Variants in BCAP31 observed in about 807,000 individuals in gnomAD.
BCAP31 encodes B cell receptor associated protein 31.
For synonymous variants in BCAP31, 75 were observed against 80.9 expected (o/e 0.93, Z 0.39); for missense variants, 124 against 193.0 (o/e 0.64, Z 2.12).
At chrX:153,716,141 G>T (rs1207358089) in intron 3 of BCAP31, among the ~76,000 whole-genome samples, 2 of 103,935 alleles carry the variant, frequency 1.9e-5, no homozygotes, top group African/African-American at 7.1e-5. Context: ...ACTCCAGACC[G>T]GGGGACAAGA....
intron 7 of BCAP31, among the ~76,000 whole-genome samples, chrX:153,701,421 G>A (rs2091517359): frequency 8.9e-6 from 1 of 112,823 alleles, no homozygotes. Context: ...CCAAACTTGG[G>A]CCACCAAGCA....
rs183612089 is a variant in BCAP31, at chrX:153,712,704, T to C, written c.341+2838A>G. Among the ~76,000 whole-genome samples the C allele has an allele frequency of 1.7e-3, 190 of 112,180 alleles. 1 individual carries two copies. Among genetic ancestry groups the C allele is most frequent in the Admixed American group, 3.8e-3 (40 of 10,607 alleles). ...GACTTCTTAGAAAAGGAAACGGTGATCCCAGAGATCAGTGTGGATTCACCA... is the reference window on the plus strand; with the variant it reads ...GACTTCTTAGAAAAGGAAACGGTGACCCCAGAGATCAGTGTGGATTCACCA... On this transcript the variant is annotated intron_variant, in intron 4 of 7. Transcript: ENST00000345046.
intron 3 of BCAP31, among the ~76,000 whole-genome samples, chrX:153,716,166 CA>C (rs781978720): frequency 1.2e-3 from 100 of 82,315 alleles, no homozygotes; most frequent in Non-Finnish European, 1.1e-3. Context: ...AACTCCATCT[CA>C]AAAAAAAAAA....
intron 4 of BCAP31, among the ~76,000 whole-genome samples, chrX:153,710,275 C>T (rs782002813): frequency 1.3e-4 from 14 of 111,356 alleles, no homozygotes; most frequent in African/African-American, 3.9e-4. Context: ...GCAGGGAGCC[C>T]GCTTGGTCTA....
In BCAP31 at chrX:153,700,965, T is replaced by A. The variant is rs782155363; in HGVS notation, c.713A>T (p.Asp238Val). 28 of 1,205,078 alleles carry A rather than the reference T, an allele frequency of 2.3e-5. No homozygotes were observed. The East Asian group carries it at 7.8e-4, about 34-fold the overall frequency. Residue 238 changes from aspartate (D) to valine (V), a missense_variant, in exon 8 of 8, where the codon GAT becomes GTT. By Grantham distance (152) the Asp-to-Val change is radical. Transcript: ENST00000345046. ...EEHAKLQAAVDGPMDKKEE is the reference protein window; with the variant it reads ...EEHAKLQAAVVGPMDKKEE The stretch of plus-strand genomic sequence containing the variant: ...CTCTTCCTTCTTGTCCATGGGACCA[T>A]CTACTGCAGCCTGGAAAGGGACAGA...
intron 2 of BCAP31, among the ~76,000 whole-genome samples, chrX:153,722,266 C>G (rs2091672301): frequency 8.9e-6 from 1 of 112,129 alleles, no homozygotes. Context: ...TTGTTTGAAT[C>G]CGGACCCAAC....
chrX:153,703,236 G>A (rs1392867630), intron 5 of BCAP31, among the ~76,000 whole-genome samples, 178 bp from the exon 6 acceptor site: 4 of 113,261 alleles, frequency 3.5e-5, no homozygotes, highest in African/African-American at 1.3e-4. Context: ...GCCAGGGCGT[G>A]GCTGCCCGCC....
intron 4 of BCAP31, chrX:153,705,398 C>T (rs1255743132): frequency 4.4e-5 from 5 of 112,998 alleles, no homozygotes; most frequent in African/African-American, 1.6e-4. Flanking sequence ...TGGGGAGAGG[C>T]TCCCAGGGGC....
chrX:153,708,741 C>T (rs2091570743), intron 4 of BCAP31, among the ~76,000 whole-genome samples: 1 of 113,016 alleles, frequency 8.8e-6, no homozygotes, highest in African/African-American at 3.2e-5. Context: ...CTCTTACCCA[C>T]CAGTCTGGAA....
intron 4 of BCAP31, 90 bp from the exon 5 acceptor site, chrX:153,704,184 T>G: frequency 1.0e-6 from 1 of 1,001,869 alleles, no homozygotes. Flanking sequence ...ACTCCACACC[T>G]AGCTCCAGCC....
chrX:153,723,451 G>A (rs1465273732), intron 1 of BCAP31, 163 bp from the exon 2 acceptor site: 14 of 1,137,587 alleles, frequency 1.2e-5, no homozygotes, highest in Non-Finnish European at 1.6e-5. Context: ...ACTCGGCAGG[G>A]CCTCTTGGCC....
intron 3 of BCAP31, among the ~76,000 whole-genome samples, chrX:153,719,204 C>T (rs782249093): frequency 9.0e-6 from 1 of 111,682 alleles, no homozygotes; most frequent in South Asian, 3.8e-4. Flanking sequence ...GGGGAAGGGG[C>T]AAGACCCTGA....
rs1273644514 is a variant in BCAP31, at chrX:153,723,349, A to C, written c.-44-61T>G. ...CTGGGCAGCCAAGAACATCCAGTTC[A>C]GTTACCCTGCGAGGCTGGGGCCGCC... On this transcript the variant is annotated intron_variant, in intron 1 of 7. Transcript: ENST00000345046. 67 of 1,144,866 alleles carry C rather than the reference A, an allele frequency of 5.9e-5. No homozygotes were observed. In the Middle Eastern group the frequency reaches 1.2e-3, roughly 21 times the overall value. 94.3% of individuals were successfully genotyped at this position (1,144,866 alleles called of 1,213,427 possible).
chrX:153,704,282 G>A (rs1557047996), intron 4 of BCAP31, among the ~76,000 whole-genome samples, 188 bp from the exon 5 acceptor site: 3 of 112,199 alleles, frequency 2.7e-5, no homozygotes, highest in Middle Eastern at 4.7e-3. Context: ...CCCAGGAGCC[G>A]TCCTCTGCCG....
intron 3 of BCAP31, among the ~76,000 whole-genome samples, chrX:153,716,129 G>A (rs2091625657): frequency 9.8e-6 from 1 of 102,233 alleles, no homozygotes; most frequent in African/African-American, 3.6e-5. Context: ...TTGAGCCACT[G>A]CACTCCAGAC....
At chrX:153,708,980 G>A (rs781912372) in intron 4 of BCAP31, among the ~76,000 whole-genome samples, 1 of 112,288 alleles carries the variant, frequency 8.9e-6, no homozygotes, top group South Asian at 3.7e-4. Context: ...CCCAGATGGA[G>A]CTCACCCATC....
At chrX:153,714,097 G>T (rs782573078) in intron 4 of BCAP31, among the ~76,000 whole-genome samples, 2 of 107,802 alleles carry the variant, frequency 1.9e-5, no homozygotes, top group Non-Finnish European at 3.8e-5. Flanking sequence ...GGCTGGTCTC[G>T]AACTCCTGAC....
chrX:153,716,694 A>G (rs1390932652), intron 3 of BCAP31, among the ~76,000 whole-genome samples: 1 of 111,698 alleles, frequency 9.0e-6, no homozygotes, highest in East Asian at 2.8e-4. Context: ...CAAGAGGTCA[A>G]GGCTGCTGTG....
intron 4 of BCAP31, among the ~76,000 whole-genome samples, chrX:153,712,360 A>G (rs1393021876): frequency 9.1e-6 from 1 of 110,234 alleles, no homozygotes. Flanking sequence ...CCATGATCAC[A>G]CCAATGCACT....
Sources: allele counts gnomAD v4.1 joint callset (sites outside exome capture counted in the v4.1 genomes callset), GRCh38; gene constraint gnomAD v4.1.1; transcripts MANE v1.5; gene names NCBI Gene and HGNC (gene_info 2026-07-23, HGNC 2026-07-21).